The following LRFN5 variants were observed in gnomAD, a reference collection of about 807,000 sequenced individuals.
LRFN5 encodes the protein leucine-rich repeat and fibronectin type-III domain-containing protein 5.
A neutral mutation model predicts 45.6 loss-of-function variants in LRFN5; 24 were observed. That is an observed-to-expected ratio of 0.53 (90% CI 0.38 to 0.74). The LOEUF is 0.74. Ranked by LOEUF, LRFN5 falls within the 30% of genes least tolerant of loss-of-function variation. The pLI is 0.00. For missense variants in LRFN5, 776 were observed against 861.5 expected, an observed-to-expected ratio of 0.90 and a Z score of 1.24; for synonymous variants, 340 against 313.8, an observed-to-expected ratio of 1.08 and a Z score of -0.88.
chr14:41,865,595 G>A (rs901019920), intron 2 of LRFN5, among the ~76,000 whole-genome samples: 2 of 152,084 alleles, frequency 1.3e-5, no homozygotes, highest in Non-Finnish European at 2.9e-5. Flanking sequence ...GAATGGAAAT[G>A]TTAAGTCATA....
intron 2 of LRFN5, among the ~76,000 whole-genome samples, chr14:41,814,013 G>GT: frequency 1.3e-5 from 2 of 152,116 alleles, no homozygotes; most frequent in South Asian, 4.2e-4. Context: ...GGGGCTGTTT[G>GT]TTTTTTTCTT....
intron 1 of LRFN5, among the ~76,000 whole-genome samples, chr14:41,611,542 A>T (rs1284449815): frequency 6.6e-6 from 1 of 152,196 alleles, no homozygotes; most frequent in Non-Finnish European, 1.5e-5. Context: ...GGACAGAACA[A>T]TAAGATATCT....
intron 1 of LRFN5, among the ~76,000 whole-genome samples, chr14:41,621,498 A>G (rs942672101): frequency 6.6e-6 from 1 of 152,136 alleles, no homozygotes; most frequent in African/African-American, 2.4e-5. Context: ...CAGTCCAAGA[A>G]GGAGTTGAGA....
intron 1 of LRFN5, among the ~76,000 whole-genome samples, chr14:41,712,479 T>G (rs1197858386): frequency 6.6e-6 from 1 of 152,176 alleles, no homozygotes; most frequent in Non-Finnish European, 1.5e-5. Flanking sequence ...TATCTTCTTC[T>G]AAAATTGATC....
At chr14:41,666,513 T>G (rs1032416582) in intron 1 of LRFN5, among the ~76,000 whole-genome samples, 2 of 152,148 alleles carry the variant, frequency 1.3e-5, no homozygotes, top group Non-Finnish European at 2.9e-5. Context: ...TGATTCATAC[T>G]ATAGATTTTG....
intron 3 of LRFN5, among the ~76,000 whole-genome samples, chr14:41,889,554 G>C (rs1437415734): frequency 6.6e-6 from 1 of 151,906 alleles, no homozygotes; most frequent in African/African-American, 2.4e-5. Context: ...TTAAACATTA[G>C]CTCTGTGAAA....
chr14:41,891,740 A>G lies in LRFN5; in HGVS notation c.1876A>G (p.Thr626Ala). The change falls in exon 4 of 6, where the codon ACC (threonine) becomes GCC (alanine). Residue 626 changes from threonine (T) to alanine (A), a missense_variant. Thr to Ala is a moderately conservative substitution (Grantham distance 58). Transcript: ENST00000298119. ...TTCGAGTCAGGACTCCTCTACCACTACCTCTGCTTTGCCTCCTTCCTGGAC... is the reference window on the plus strand; with the variant it reads ...TTCGAGTCAGGACTCCTCTACCACTGCCTCTGCTTTGCCTCCTTCCTGGAC... Reference protein sequence around the residue: ...TCSSQDSSTTTSALPPSWTSS... With the variant: ...TCSSQDSSTTASALPPSWTSS... The G allele has an allele frequency of 6.2e-7, 1 of 1,614,052 alleles. No individual in the cohort carries two copies. The highest frequency in any genetic ancestry group is 8.5e-7 in the Non-Finnish European group (1 of 1,180,002).
chr14:41,856,860 T>C (rs868726180), intron 2 of LRFN5, among the ~76,000 whole-genome samples: 8 of 147,520 alleles, frequency 5.4e-5, no homozygotes, highest in South Asian at 2.2e-4. Flanking sequence ...GTATTTTTAG[T>C]AGAGACGGGG....
chr14:41,692,040 A>T (rs1010518071), intron 1 of LRFN5, among the ~76,000 whole-genome samples: 1 of 152,018 alleles, frequency 6.6e-6, no homozygotes, highest in Non-Finnish European at 1.5e-5. Context: ...ATGTGAACAT[A>T]TTTTCTCCAA....
chr14:41,841,661 T>G (rs994078686), intron 2 of LRFN5, among the ~76,000 whole-genome samples: 1 of 151,998 alleles, frequency 6.6e-6, no homozygotes, highest in South Asian at 2.1e-4. Context: ...CTATTATGAA[T>G]AAAGTCCTTT....
chr14:41,682,791 G>A (rs914476440), intron 1 of LRFN5, among the ~76,000 whole-genome samples: 1 of 152,130 alleles, frequency 6.6e-6, no homozygotes, highest in East Asian at 1.9e-4. Flanking sequence ...AGAGCAGTAA[G>A]TAACAAGATT....
chr14:41,717,103 A>G (rs1280761055), intron 1 of LRFN5, among the ~76,000 whole-genome samples: 4 of 152,184 alleles, frequency 2.6e-5, no homozygotes, highest in Non-Finnish European at 4.4e-5. Flanking sequence ...ATTTCTTTTA[A>G]CGAATCTAAG....
At chr14:41,862,171 C>G (rs770234867) in intron 2 of LRFN5, among the ~76,000 whole-genome samples, 4 of 152,140 alleles carry the variant, frequency 2.6e-5, no homozygotes, top group Non-Finnish European at 5.9e-5. Flanking sequence ...TATAAATTAC[C>G]AAGTCTTAGG....
Position 41,809,082 on chromosome 14 carries a change from A to G in LRFN5, c.-21+42053A>G, listed in dbSNP as rs1442792169. Among the ~76,000 whole-genome samples, 16 of 152,238 alleles carry G rather than the reference A, an allele frequency of 1.1e-4. No individual in the cohort carries two copies. The East Asian group carries it at 1.5e-3, about 15-fold the overall frequency. On this transcript the variant is annotated intron_variant, in intron 2 of 5. Transcript: ENST00000298119. The stretch of plus-strand genomic sequence containing the variant: ...TATCCTCAGACTGTTCTTCCTTTGT[A>G]GTACAAAGTGCCATATGGCTATAGT...
intron 1 of LRFN5, among the ~76,000 whole-genome samples, chr14:41,642,936 C>T (rs1490223536): frequency 1.3e-5 from 2 of 152,084 alleles, no homozygotes; most frequent in African/African-American, 4.8e-5. Context: ...TATACTTGTA[C>T]ACTGTTACTT....
chr14:41,893,887 G>C (rs994791242), intron 4 of LRFN5: 2 of 984,940 alleles, frequency 2.0e-6, no homozygotes, highest in East Asian at 2.3e-4. Context: ...TATTTATTTC[G>C]TGTAAGGAAT....
chr14:41,817,983 G>A (rs1323442883), intron 2 of LRFN5, among the ~76,000 whole-genome samples: 1 of 151,992 alleles, frequency 6.6e-6, no homozygotes. Flanking sequence ...ATGACATTTT[G>A]ATTCTAAATC....
At chr14:41,674,722 C>T (rs1347535533) in intron 1 of LRFN5, among the ~76,000 whole-genome samples, 5 of 151,594 alleles carry the variant, frequency 3.3e-5, no homozygotes, top group African/African-American at 9.7e-5. Context: ...ACCTCCCTCC[C>T]GGACGGGGTG....
intron 1 of LRFN5, among the ~76,000 whole-genome samples, chr14:41,750,267 TTA>T (rs60275061): frequency 1.3e-3 from 186 of 144,366 alleles, no homozygotes; most frequent in Middle Eastern, 0.011. Context: ...GTAACTTTTC[TTA>T]TATATATATA....
Sources: gnomAD v4.1 joint callset for allele counts (sites outside exome capture counted in the v4.1 genomes callset) on GRCh38, gnomAD v4.1.1 for gene constraint, MANE v1.5 for transcripts, NCBI Gene and HGNC (gene_info 2026-07-23, HGNC 2026-07-21) for gene names.